PDSS1: variants seen among roughly 807,000 people sequenced by gnomAD.
The protein encoded by PDSS1 is all trans-polyprenyl-diphosphate synthase PDSS1.
Under a neutral mutation model 57.5 loss-of-function variants are expected in PDSS1, and 43 were observed. That is an observed-to-expected ratio of 0.75 (90% CI 0.59 to 0.96). The LOEUF is 0.96. Ranked by LOEUF, PDSS1 falls within the 50% of genes least tolerant of loss-of-function variation. The pLI, the probability that PDSS1 is intolerant of heterozygous loss-of-function variation, is 0.00. For synonymous variants in PDSS1, 175 were observed against 191.3 expected, an observed-to-expected ratio of 0.91 and a Z score of 0.70; for missense variants, 438 against 527.8, an observed-to-expected ratio of 0.83 and a Z score of 1.67.
chr10:26,727,072 A>ATC (rs1835977866), intron 8 of PDSS1, among the ~76,000 whole-genome samples: 1 of 151,354 alleles, frequency 6.6e-6, no homozygotes, highest in Non-Finnish European at 1.5e-5. Flanking sequence ...AAAAAAAACA[A>ATC]ACAAACCAGA....
chr10:26,732,843 G>A (rs1836259863), intron 8 of PDSS1, among the ~76,000 whole-genome samples: 2 of 152,112 alleles, frequency 1.3e-5, no homozygotes, highest in South Asian at 4.1e-4. Context: ...TTTTTAGGCC[G>A]GGCACGGTGG....
rs1253440376 is a variant in PDSS1 at position 26,735,120 on chromosome 10, T to G, written c.832-120T>G. 5 of 770,752 alleles carry G rather than the reference T, an allele frequency of 6.5e-6. No individual in the cohort carries two copies. In the African/African-American group the frequency reaches 6.8e-5, roughly 10 times the overall value. The allele number at this position is 770,752 out of a possible 1,614,324, so 47.7% of individuals were successfully genotyped here. Reference sequence around the variant, plus strand: ...TTGGTGTCCCTCTGATGTCAGCATCTCCTGAGTGTGTATAATCTAGCCCCG... The same window carrying G: ...TTGGTGTCCCTCTGATGTCAGCATCGCCTGAGTGTGTATAATCTAGCCCCG... On this transcript the variant is annotated intron_variant, in intron 8 of 11. Transcript: ENST00000376215.
At chr10:26,717,134 C>G (rs1835609245) in intron 5 of PDSS1, among the ~76,000 whole-genome samples, 1 of 152,194 alleles carries the variant, frequency 6.6e-6, no homozygotes, top group Admixed American at 6.5e-5. Flanking sequence ...GATGTATATT[C>G]TACGTAGAAG....
At chr10:26,744,802 T>C (rs1206113363) in intron 11 of PDSS1, among the ~76,000 whole-genome samples, 1 of 152,210 alleles carries the variant, frequency 6.6e-6, no homozygotes, top group South Asian at 2.1e-4. Flanking sequence ...AAATATGTCA[T>C]GTTTTGAGCA....
chr10:26,698,252 A>T (rs1333092594), intron 1 of PDSS1, among the ~76,000 whole-genome samples: 1 of 152,176 alleles, frequency 6.6e-6, no homozygotes, highest in Non-Finnish European at 1.5e-5. Context: ...TTTTAGAGCC[A>T]AAGTGCTCAG....
chr10:26,703,814 G>T (rs1407280807), intron 2 of PDSS1, among the ~76,000 whole-genome samples: 1 of 151,944 alleles, frequency 6.6e-6, no homozygotes, highest in Non-Finnish European at 1.5e-5. Context: ...GGGCGCGGTG[G>T]CTCACGCCTG....
chr10:26,720,846 A>G (rs1048129519), intron 6 of PDSS1, among the ~76,000 whole-genome samples: 1 of 152,224 alleles, frequency 6.6e-6, no homozygotes, highest in African/African-American at 2.4e-5. Flanking sequence ...ATATATGTAT[A>G]TATTAAAGCA....
intron 11 of PDSS1, among the ~76,000 whole-genome samples, chr10:26,744,363 T>C (rs902967113): frequency 2.4e-5 from 3 of 124,792 alleles, no homozygotes; most frequent in Non-Finnish European, 5.0e-5. Flanking sequence ...ATAAACACTA[T>C]TTTATTTTAT....
At chr10:26,730,920 T>C (rs1186777229) in intron 8 of PDSS1, among the ~76,000 whole-genome samples, 1 of 152,178 alleles carries the variant, frequency 6.6e-6, no homozygotes, top group African/African-American at 2.4e-5. Context: ...ATCTTCCTCA[T>C]TTTTAAAACC....
At chr10:26,734,868 G>T (rs1185505566) in intron 8 of PDSS1, 1 of 426,776 alleles carries the variant, frequency 2.3e-6, no homozygotes, top group Non-Finnish European at 4.6e-6. Flanking sequence ...CCGAGTGCTA[G>T]AAGTCAGTAT....
intron 4 of PDSS1, among the ~76,000 whole-genome samples, chr10:26,708,726 C>G (rs1200504599): frequency 6.6e-6 from 1 of 152,086 alleles, no homozygotes; most frequent in Non-Finnish European, 1.5e-5. Flanking sequence ...TCCTGCCCCT[C>G]GTAAACAGCT....
intron 5 of PDSS1, chr10:26,715,129 G>A (rs1835520964): frequency 6.6e-6 from 1 of 152,224 alleles, no homozygotes; most frequent in African/African-American, 2.4e-5. Context: ...AAAGGAAATG[G>A]TTTTGTCTTT....
At chr10:26,718,589 CATCTCTACTAAAA>C (rs1232095990) in intron 5 of PDSS1, 1 of 151,914 alleles carries the variant, frequency 6.6e-6, no homozygotes, top group Non-Finnish European at 1.5e-5. Context: ...GGTGAAACCC[CATCTCTACTAAAA>C]ATACAAACAT....
Position 26,720,246 on chromosome 10 carries a change from G to A in PDSS1, c.496G>A (p.Ala166Thr), listed in dbSNP as rs1231657717. The change falls in exon 6 of 12, where the codon GCC becomes ACC. Residue 166 changes from alanine to threonine, a missense_variant. Ala to Thr is a moderately conservative substitution (Grantham distance 58). Transcript: ENST00000376215. ...TGTGCAAGCCAGCCAGCGCGCCATA[G>A]CCTTAATTGCAGAAATGATCCACAC... ...RHVQASQRAI[A>T]LIAEMIHTAS... is the part of the protein sequence containing the mutation. 3 of 1,613,404 alleles carry A rather than the reference G, an allele frequency of 1.9e-6. No homozygotes were observed. The highest frequency in any genetic ancestry group is 1.3e-5 in the African/African-American group (1 of 74,902).
intron 8 of PDSS1, among the ~76,000 whole-genome samples, chr10:26,725,414 T>G (rs1353431717): frequency 6.6e-6 from 1 of 152,166 alleles, no homozygotes; most frequent in Non-Finnish European, 1.5e-5. Context: ...AATAGAAACT[T>G]TAAGGAATGT....
chr10:26,732,996 G>T lies in PDSS1; in HGVS notation c.832-2244G>T, dbSNP rs117845599. On this transcript the variant is annotated intron_variant, in intron 8 of 11. Transcript: ENST00000376215. ...TGGTGGCATACGGAGGTTGAGGCAG[G>T]AGAATCGCTTGAACTTGGGAGGTGG... 1.4e-4 allele frequency among the ~76,000 whole-genome samples: 21 copies of T among 152,124 alleles called. 1 individual carries two copies. Among genetic ancestry groups the T allele is most frequent in the African/African-American group, 4.6e-4 (19 of 41,434 alleles).
rs1240874118 is a variant in PDSS1, at chr10:26,735,472, G to A, written c.919G>A (p.Asp307Asn). 4 of 1,605,156 alleles carry A rather than the reference G, an allele frequency of 2.5e-6. No individual in the cohort carries two copies. The highest frequency in any genetic ancestry group is 3.4e-6 in the Non-Finnish European group (4 of 1,171,972). Residue 307 changes from aspartate (D) to asparagine (N), a missense_variant, in exon 10 of 12, where the codon GAT becomes AAT. Around this residue, in one of 2 missense-constraint regions of PDSS1, gnomAD observed 284 missense variants for 390.7 expected, o/e 0.73. Transcript: ENST00000376215. ...KNVGIAFQLIDDVLDFTSCSD... is the reference protein window; with the variant it reads ...KNVGIAFQLINDVLDFTSCSD... ...CCATTTTTCCTTTTGCCAGCTAATAGATGATGTATTGGACTTCACCTCGTG... is the reference window on the plus strand; with the variant it reads ...CCATTTTTCCTTTTGCCAGCTAATAAATGATGTATTGGACTTCACCTCGTG...
chr10:26,697,926 C>T, intron 1 of PDSS1, 86 bp downstream of exon 1: 1 of 1,168,516 alleles, frequency 8.6e-7, no homozygotes, highest in Non-Finnish European at 1.1e-6. Flanking sequence ...GAGCGGGGAG[C>T]ACGTGCGTCG....
At chr10:26,699,362 C>T (rs1167437610) in intron 1 of PDSS1, among the ~76,000 whole-genome samples, 6 of 151,852 alleles carry the variant, frequency 4.0e-5, no homozygotes, top group African/African-American at 9.7e-5. Context: ...GGTGCATCCA[C>T]CCTCTTATGC....
Sources: gnomAD v4.1 joint callset for allele counts (sites outside exome capture counted in the v4.1 genomes callset) on GRCh38, gnomAD v4.1.1 for gene constraint, gnomAD v4.1.1 regional missense constraint, MANE v1.5 for transcripts, NCBI Gene and HGNC (gene_info 2026-07-23, HGNC 2026-07-21) for gene names.